The following MEI1 variants were observed in gnomAD, a reference collection of about 807,000 sequenced individuals.
The protein encoded by MEI1 is meiosis inhibitor protein 1.
MEI1 carries 103 observed loss-of-function variants against 146.2 expected under a neutral mutation model. The ratio of observed to expected loss-of-function variants is 0.70; its 90% confidence interval spans 0.60 to 0.83. MEI1 has a LOEUF of 0.83. Among genes scored for constraint, MEI1 ranks in the 40% least tolerant of loss-of-function variants. MEI1 has a pLI of 0.00. For missense variants in MEI1, 1,529 were observed against 1,533.0 expected (o/e 1.00, Z 0.04); for synonymous variants, 652 against 628.2 (o/e 1.04, Z -0.57).
In MEI1 at chr22:41,784,826, A is replaced by G. The variant is rs750850293; in HGVS notation, c.3345+43A>G. The G allele has an allele frequency of 6.0e-6, 9 of 1,498,950 alleles. No individual in the cohort carries two copies. The African/African-American group carries it at 1.2e-4, about 21-fold the overall frequency. The allele number at this position is 1,498,950 out of a possible 1,614,324, so 92.9% of individuals were successfully genotyped here. ...TGGGGCTTGCTTCTCCCAGGACAAC[A>G]GCAGGAAGGGGTGGCTGCCTGTCGA... On this transcript the variant is annotated intron_variant, in intron 26 of 30. Transcript: ENST00000401548.
At chr22:41,706,745 G>A (rs1029376751) in intron 3 of MEI1, among the ~76,000 whole-genome samples, 3 of 151,786 alleles carry the variant, frequency 2.0e-5, no homozygotes, top group East Asian at 3.9e-4. Context: ...TTGTCGAAGC[G>A]CATGGGTTTA....
chr22:41,709,300 C>G, intron 3 of MEI1: 1 of 812,808 alleles, frequency 1.2e-6, no homozygotes, highest in Non-Finnish European at 2.1e-6. Context: ...TATTCCCTTC[C>G]TTGCCAGCAT....
At chr22:41,751,011 G>A (rs1238013680) in intron 15 of MEI1, among the ~76,000 whole-genome samples, 2 of 152,036 alleles carry the variant, frequency 1.3e-5, no homozygotes, top group African/African-American at 4.8e-5. Context: ...GAAAAAGGCT[G>A]TGAGATCTGT....
At chr22:41,720,227 G>A (rs947086506) in intron 6 of MEI1, among the ~76,000 whole-genome samples, 4 of 152,036 alleles carry the variant, frequency 2.6e-5, no homozygotes, top group South Asian at 2.1e-4. Flanking sequence ...GCAGAAACAC[G>A]GGCCAGAGCA....
At chr22:41,753,123 A>G (rs1162116451) in intron 16 of MEI1, among the ~76,000 whole-genome samples, 3 of 151,990 alleles carry the variant, frequency 2.0e-5, no homozygotes, top group Non-Finnish European at 2.9e-5. Context: ...GGTTCAAGCA[A>G]TTCTCCTGCC....
At chr22:41,743,017 C>G (rs981901700) in intron 11 of MEI1, 63 bp from the exon 12 acceptor site, 2 of 1,168,172 alleles carry the variant, frequency 1.7e-6, no homozygotes, top group East Asian at 2.4e-5. Context: ...GCCTGAGAAC[C>G]TGGGGTTATC....
At chr22:41,756,566 C>T (rs2074105957) in intron 17 of MEI1, among the ~76,000 whole-genome samples, 1 of 152,022 alleles carries the variant, frequency 6.6e-6, no homozygotes, top group Admixed American at 6.6e-5. Flanking sequence ...CTCCACCTCC[C>T]GGGTTCAAGC....
intron 5 of MEI1, among the ~76,000 whole-genome samples, chr22:41,716,790 C>A (rs144669252): frequency 6.7e-6 from 1 of 149,456 alleles, no homozygotes; most frequent in Non-Finnish European, 1.5e-5. Flanking sequence ...CCCGGGTTCA[C>A]GCCATTCTAC....
chr22:41,727,891 T>C (rs957640765), intron 7 of MEI1, among the ~76,000 whole-genome samples: 5 of 152,124 alleles, frequency 3.3e-5, no homozygotes, highest in Admixed American at 1.3e-4. Context: ...CAGGTTTTTA[T>C]GGGGGACTGG....
chr22:41,746,916 C>G (rs184695309), intron 14 of MEI1, among the ~76,000 whole-genome samples: 1 of 152,154 alleles, frequency 6.6e-6, no homozygotes, highest in East Asian at 1.9e-4. Context: ...GTTTACTCAC[C>G]TGCCCTGCCT....
intron 18 of MEI1, among the ~76,000 whole-genome samples, chr22:41,760,758 G>A (rs2074430847): frequency 6.6e-6 from 1 of 152,342 alleles, no homozygotes; most frequent in African/African-American, 2.4e-5. Flanking sequence ...GTACGTGGCA[G>A]GGGCTGCATG....
intron 30 of MEI1, among the ~76,000 whole-genome samples, chr22:41,798,460 C>T (rs2076453250): frequency 6.6e-6 from 1 of 151,960 alleles, no homozygotes; most frequent in Non-Finnish European, 1.5e-5. Flanking sequence ...AGCCTGTAAT[C>T]CCAGCTACCC....
intron 3 of MEI1, among the ~76,000 whole-genome samples, chr22:41,708,378 C>T (rs1490971894): frequency 2.6e-5 from 4 of 151,916 alleles, no homozygotes; most frequent in Non-Finnish European, 5.9e-5. Flanking sequence ...GGGTGACTCA[C>T]ACCTTCATTC....
At chr22:41,731,558 A>G (rs952418766) in intron 9 of MEI1, among the ~76,000 whole-genome samples, 1 of 151,612 alleles carries the variant, frequency 6.6e-6, no homozygotes. Flanking sequence ...GGGTCTCTCC[A>G]TGTTGGCCAG....
At chr22:41,711,741 A>G (rs5751141) in intron 3 of MEI1, among the ~76,000 whole-genome samples, 126,808 of 152,058 alleles carry the variant, frequency 0.83, 53,835 homozygotes, top group African/African-American at 0.96. Flanking sequence ...CAACCTTACC[A>G]AATCTCTCCT....
intron 3 of MEI1, chr22:41,709,079 C>A (rs182039622): frequency 1.8e-6 from 1 of 546,830 alleles, no homozygotes; most frequent in African/African-American, 1.9e-5. Context: ...ATGCCCCTTC[C>A]CCAAAATATA....
intron 2 of MEI1, among the ~76,000 whole-genome samples, chr22:41,704,637 C>T (rs1026805008): frequency 2.6e-5 from 4 of 151,976 alleles, no homozygotes; most frequent in East Asian, 3.9e-4. Context: ...TGGTCTCGAA[C>T]TCCCAACCTC....
At chr22:41,708,166 C>G (rs898962651) in intron 3 of MEI1, among the ~76,000 whole-genome samples, 3 of 152,148 alleles carry the variant, frequency 2.0e-5, no homozygotes, top group African/African-American at 7.2e-5. Context: ...AATTTTAAAG[C>G]TAACCTCCAC....
chr22:41,739,596 G>A (rs1339701276), intron 11 of MEI1, among the ~76,000 whole-genome samples: 1 of 141,456 alleles, frequency 7.1e-6, no homozygotes, highest in Non-Finnish European at 1.5e-5. Flanking sequence ...ACTTCAGTCT[G>A]TCTTCTTTCC....
Sources: allele counts gnomAD v4.1 joint callset (sites outside exome capture counted in the v4.1 genomes callset), GRCh38; gene constraint gnomAD v4.1.1; transcripts MANE v1.5; gene names NCBI Gene and HGNC (gene_info 2026-07-23, HGNC 2026-07-21).